Variants in SPTBN4 observed in about 807,000 individuals in gnomAD.
SPTBN4 encodes the protein spectrin beta, non-erythrocytic 4.
SPTBN4 carries 96 observed loss-of-function variants against 277.8 expected under a neutral mutation model. The observed-to-expected ratio is 0.35, with a 90% confidence interval of 0.29 to 0.41. The LOEUF (loss-of-function observed/expected upper bound fraction) is 0.41, where lower values mean the gene tolerates loss of function less well. Ranked by LOEUF, SPTBN4 falls within the 10% of genes least tolerant of loss-of-function variation. The pLI is 1.00. For synonymous variants in SPTBN4, 1,481 were observed against 1,580.3 expected, an observed-to-expected ratio of 0.94 and a Z score of 1.49; for missense variants, 3,006 against 3,595.7, an observed-to-expected ratio of 0.84 and a Z score of 4.19.
intron 20 of SPTBN4, among the ~76,000 whole-genome samples, chr19:40,539,842 G>C (rs909565394): frequency 6.6e-6 from 1 of 152,032 alleles, no homozygotes; most frequent in African/African-American, 2.4e-5. Flanking sequence ...TAAGGACATT[G>C]TGAAGGTGAA....
chr19:40,564,490 C>T (rs537161552), intron 27 of SPTBN4, among the ~76,000 whole-genome samples: 2 of 152,274 alleles, frequency 1.3e-5, no homozygotes, highest in South Asian at 2.1e-4. Flanking sequence ...AGACTTGGAA[C>T]GTTAAAATCA....
intron 2 of SPTBN4, among the ~76,000 whole-genome samples, chr19:40,482,991 A>G (rs996948321): frequency 5.3e-5 from 8 of 151,588 alleles, no homozygotes; most frequent in African/African-American, 1.9e-4. Flanking sequence ...TAAAATAAAT[A>G]AATAAAATAT....
intron 2 of SPTBN4, among the ~76,000 whole-genome samples, chr19:40,474,145 C>A (rs2079919807): frequency 1.1e-5 from 1 of 93,382 alleles, no homozygotes; most frequent in Non-Finnish European, 2.1e-5. Flanking sequence ...AAGCAAGAAC[C>A]TATCTCAAAA....
Position 40,519,762 on chromosome 19 carries a change from C to T in SPTBN4, c.3265C>T (p.Arg1089Cys). 4 of 1,404,664 alleles carry T rather than the reference C, an allele frequency of 2.8e-6. No individual in the cohort carries two copies. Among genetic ancestry groups the T allele is most frequent in the Non-Finnish European group, 3.7e-6 (4 of 1,092,558 alleles). The allele number at this position is 1,404,664 out of a possible 1,614,324, so 87.0% of individuals were successfully genotyped here. A position where few individuals can be genotyped will look rare whatever the true frequency, so the allele number is the denominator to read the frequency against. ...CGGCGAGGCGGTGGCGGCAGCAGGG[C>T]GCCTGCAGCGCTTCCTACATGACCT... ...ACGEAVAAAGRLQRFLHDLDA... is the reference protein window; with the variant it reads ...ACGEAVAAAGCLQRFLHDLDA... The change falls in exon 16 of 36, where the codon CGC (arginine) becomes TGC (cysteine). Residue 1089 changes from arginine (R) to cysteine (C), a missense_variant. Around this residue, in one of 5 missense-constraint regions of SPTBN4, gnomAD observed 1,759 missense variants for 2,061.5 expected, o/e 0.85. Transcript: ENST00000598249. This position sits in a 1 kb window ranked among gnomAD's most constrained non-coding sequence, Gnocchi z 5.7.
chr19:40,523,646 C>A lies in SPTBN4; in HGVS notation c.3857+7C>A. On this transcript the variant is annotated splice_region_variant and intron_variant, in intron 17 of 35. Transcript: ENST00000598249. ...TGACCCGGCTGCTGGAGAAGTAGGT[C>A]CCCTAGACCCATCCACCCCAGGGAG... is the stretch of plus-strand genomic sequence containing the variant. 6.3e-7 allele frequency: 1 copy of A among 1,599,628 alleles called. No individual in the cohort carries two copies. Among genetic ancestry groups the A allele is most frequent in the Admixed American group, 1.7e-5 (1 of 59,374 alleles).
chr19:40,526,463 C>T (rs1005349309), intron 17 of SPTBN4, among the ~76,000 whole-genome samples: 4 of 150,472 alleles, frequency 2.7e-5, no homozygotes, highest in African/African-American at 4.9e-5. Flanking sequence ...TGAGCCACCG[C>T]GCCGGCCGCT....
intron 33 of SPTBN4, 152 bp from the exon 34 acceptor site, chr19:40,571,867 G>A (rs2081158361): frequency 3.7e-6 from 3 of 818,900 alleles, no homozygotes; most frequent in Admixed American, 5.4e-5. Context: ...ACAGCCTTAA[G>A]GAAGAGCATT....
Position 40,554,859 on chromosome 19 carries a change from GAGTGTAGT to G in SPTBN4, c.5084+218_5084+225del. 1.6e-6 allele frequency: 1 copy of G among 636,068 alleles called. No individual in the cohort carries two copies. Among genetic ancestry groups the G allele is most frequent in the Non-Finnish European group, 2.7e-6 (1 of 376,558 alleles). The allele number at this position is 636,068 out of a possible 1,614,324, so 39.4% of individuals were successfully genotyped here. On this transcript the variant is annotated intron_variant, in intron 24 of 35. Transcript: ENST00000598249. The surrounding 1 kb of genome is among the most constrained non-coding windows in gnomAD (Gnocchi z 5.7). ...GGTGGGGCCAGGAGCACCTGGATTT[GAGTGTAGT>G]AGTGGGGACCTTGTCGGGGGAGAAA...
chr19:40,497,233 G>A (rs754662416), intron 6 of SPTBN4, among the ~76,000 whole-genome samples: 8 of 151,970 alleles, frequency 5.3e-5, no homozygotes, highest in South Asian at 2.1e-4. Context: ...CTACCCATTC[G>A]TCTGTGTGCA....
At chr19:40,489,032 T>A (rs2080105717) in intron 3 of SPTBN4, among the ~76,000 whole-genome samples, 1 of 151,254 alleles carries the variant, frequency 6.6e-6, no homozygotes, top group Non-Finnish European at 1.5e-5. Flanking sequence ...AAAAAATTTT[T>A]AAAAAATCAA....
Position 40,532,625 on chromosome 19 carries a change from C to T in SPTBN4, c.3949C>T (p.Leu1317=). 1 of 1,612,628 alleles carries T rather than the reference C, an allele frequency of 6.2e-7. No homozygotes were observed. The highest frequency in any genetic ancestry group is 8.5e-7 in the Non-Finnish European group (1 of 1,179,196). The part of the protein sequence containing the change: ...LQHFLRDCHE[L]DGWIHEKMLM... ...AGCCCTCCTGCCCTGTTCTGCACAG[C>T]TGGATGGCTGGATCCATGAGAAGAT... The change falls in exon 19 of 36, where the codon CTG becomes TTG. Residue 1317 remains leucine (L), a splice_region_variant and synonymous_variant. Transcript: ENST00000598249.
In SPTBN4 at chr19:40,513,255, G is replaced by A; in HGVS notation, c.2466G>A (p.Val822=). The stretch of plus-strand genomic sequence containing the variant: ...AGCACCGCGCGCTCACCGGGGAGGT[G>A]GAGGCACATCGCGGGCCCGTGAGCG... ...ARQHRALTGE[V]EAHRGPVSGL... Residue 822 remains valine (V), a synonymous_variant, in exon 14 of 36, where the codon GTG becomes GTA. Coordinates refer to ENST00000598249, the MANE Select transcript of SPTBN4 (RefSeq NM_020971.3). 6.5e-7 allele frequency: 1 copy of A among 1,527,136 alleles called. No homozygotes were observed. Among genetic ancestry groups the A allele is most frequent in the Non-Finnish European group, 8.8e-7 (1 of 1,142,820 alleles). The allele number at this position is 1,527,136 out of a possible 1,614,324, so 94.6% of individuals were successfully genotyped here. A position where few individuals can be genotyped will look rare whatever the true frequency, so the allele number is the denominator to read the frequency against.
chr19:40,473,466 T>C (rs1288485663), intron 2 of SPTBN4, among the ~76,000 whole-genome samples: 2 of 150,206 alleles, frequency 1.3e-5, no homozygotes, highest in Non-Finnish European at 3.0e-5. Context: ...CAAGCGATTC[T>C]CCTGCCTCAG....
intron 3 of SPTBN4, among the ~76,000 whole-genome samples, chr19:40,489,677 T>C (rs1284451212): frequency 6.6e-6 from 1 of 152,160 alleles, no homozygotes; most frequent in African/African-American, 2.4e-5. Context: ...ATTGAGCCAC[T>C]ACGCCGGGGC....
intron 35 of SPTBN4, 129 bp from the exon 36 acceptor site, chr19:40,575,282 C>A (rs1335861800): frequency 6.3e-6 from 7 of 1,117,160 alleles, no homozygotes; most frequent in Non-Finnish European, 8.7e-6. Flanking sequence ...GTAACTGCAT[C>A]ATCATCATCA....
Position 40,490,068 on chromosome 19 carries a change from G to A in SPTBN4, c.322-7G>A. The A allele has an allele frequency of 4.4e-6, 7 of 1,595,988 alleles. No homozygotes were observed. The highest frequency in any genetic ancestry group is 6.0e-6 in the Non-Finnish European group (7 of 1,169,066). On this transcript the variant is annotated splice_polypyrimidine_tract_variant and splice_region_variant and intron_variant, in intron 3 of 35. Coordinates refer to ENST00000598249, the MANE Select transcript of SPTBN4 (RefSeq NM_020971.3). This position sits in a 1 kb window ranked among gnomAD's most constrained non-coding sequence, Gnocchi z 4.3. ...CCCCCGATCGCCCACCGCCCCTGTC[G>A]CCCTAGCCCAGGCCCACGCGCGGCC...
Position 40,519,816 on chromosome 19 carries a change from G to A in SPTBN4, c.3319G>A (p.Ala1107Thr). 2 of 1,433,388 alleles carry A rather than the reference G, an allele frequency of 1.4e-6. No individual in the cohort carries two copies. Among genetic ancestry groups the A allele is most frequent in the South Asian group, 1.5e-5 (1 of 67,058 alleles). The allele number at this position is 1,433,388 out of a possible 1,614,324, so 88.8% of individuals were successfully genotyped here. ...CGCTTTCCTGGACTGGCTCGTGCGC[G>A]CCCAGGAGGCGGCGGGCGGCAGCGA... Reference protein sequence around the residue: ...LDAFLDWLVRAQEAAGGSEGP... With the variant: ...LDAFLDWLVRTQEAAGGSEGP... Residue 1107 changes from alanine to threonine, a missense_variant, in exon 16 of 36, where the codon GCC becomes ACC. Physicochemically the swap from Ala to Thr is moderately conservative, Grantham distance 58. Coordinates refer to ENST00000598249, the MANE Select transcript of SPTBN4 (RefSeq NM_020971.3). This position sits in a 1 kb window ranked among gnomAD's most constrained non-coding sequence, Gnocchi z 5.7.
At chr19:40,547,528 C>T (rs1370821011) in intron 20 of SPTBN4, among the ~76,000 whole-genome samples, 1 of 152,128 alleles carries the variant, frequency 6.6e-6, no homozygotes, top group Non-Finnish European at 1.5e-5. Context: ...GATTTATAAT[C>T]CTTTGGGTAT....
chr19:40,473,687 G>A (rs1325460348), intron 2 of SPTBN4, among the ~76,000 whole-genome samples: 1 of 151,950 alleles, frequency 6.6e-6, no homozygotes, highest in Non-Finnish European at 1.5e-5. Context: ...AGCCACATGT[G>A]GCTTGTGACT....
Sources: gnomAD v4.1 joint callset for allele counts (sites outside exome capture counted in the v4.1 genomes callset) on GRCh38, gnomAD v4.1.1 for gene constraint, gnomAD v4.1.1 regional missense constraint, Gnocchi (gnomAD v3.1) non-coding constraint, MANE v1.5 for transcripts, NCBI Gene and HGNC (gene_info 2026-07-23, HGNC 2026-07-21) for gene names.